AGBL4: variants seen among roughly 807,000 people sequenced by gnomAD.
The protein encoded by AGBL4 is cytosolic carboxypeptidase 6.
In AGBL4, 58 loss-of-function variants were observed where a neutral mutation model predicts 66.4. That is an observed-to-expected ratio of 0.87 (90% CI 0.71 to 1.09). AGBL4 has a LOEUF of 1.09. AGBL4 is among the 50% of genes least tolerant of loss of function. AGBL4 has a pLI of 0.00. For missense variants in AGBL4, 579 were observed against 631.0 expected (o/e 0.92, Z 0.88); for synonymous variants, 234 against 222.9 (o/e 1.05, Z -0.44).
intron 2 of AGBL4, among the ~76,000 whole-genome samples, chr1:49,799,301 T>A (rs1368847428): frequency 6.6e-6 from 1 of 152,104 alleles, no homozygotes; most frequent in Non-Finnish European, 1.5e-5. Flanking sequence ...TTAAAAAAAA[T>A]CCACAGACTC....
intron 2 of AGBL4, among the ~76,000 whole-genome samples, chr1:49,832,604 G>A (rs1261688027): frequency 6.6e-6 from 1 of 151,778 alleles, no homozygotes; most frequent in East Asian, 1.9e-4. Flanking sequence ...CTAGTTTACA[G>A]TCCCACCAAG....
chr1:49,015,028 A>G (rs943858263), intron 5 of AGBL4, among the ~76,000 whole-genome samples: 3 of 152,116 alleles, frequency 2.0e-5, no homozygotes, highest in African/African-American at 7.2e-5. Context: ...AAAAACTTCT[A>G]CCTCATAGTC....
chr1:48,682,151 C>A (rs1000735406), intron 6 of AGBL4, among the ~76,000 whole-genome samples: 2 of 152,162 alleles, frequency 1.3e-5, no homozygotes, highest in African/African-American at 4.8e-5. Context: ...GGCTGAGGCC[C>A]AGAAGAAACA....
Position 48,534,134 on chromosome 1 carries a change from T to C in AGBL4, c.*39A>G. On this transcript the variant is annotated 3_prime_UTR_variant, in exon 14 of 14. Transcript: ENST00000371839. The stretch of plus-strand genomic sequence containing the variant: ...ATTTCATTCCCCAGCAGAAAATGCA[T>C]GCTCCTGTCCCCATAAGACCTCCCA... The C allele has an allele frequency of 1.3e-6, 2 of 1,551,316 alleles. No homozygotes were observed. Among genetic ancestry groups the C allele is most frequent in the East Asian group, 2.4e-5 (1 of 40,912 alleles).
chr1:49,494,365 G>A (rs951899217), intron 3 of AGBL4, among the ~76,000 whole-genome samples: 36 of 151,872 alleles, frequency 2.4e-4, no homozygotes, highest in African/African-American at 8.7e-4. Context: ...ATGCTGGTGC[G>A]CTGCACCCAC....
intron 1 of AGBL4, among the ~76,000 whole-genome samples, chr1:49,853,134 C>T (rs1472682199): frequency 2.0e-5 from 3 of 152,060 alleles, no homozygotes; most frequent in Non-Finnish European, 4.4e-5. Context: ...AACCTACTGT[C>T]TAGGGATAAA....
intron 1 of AGBL4, among the ~76,000 whole-genome samples, chr1:49,900,145 C>T (rs1483982180): frequency 1.3e-5 from 2 of 152,186 alleles, no homozygotes; most frequent in African/African-American, 4.8e-5. Context: ...GGCTTATTAT[C>T]TTGGTGAATC....
chr1:49,440,041 T>C (rs1645991154), intron 3 of AGBL4, among the ~76,000 whole-genome samples: 1 of 151,116 alleles, frequency 6.6e-6, no homozygotes, highest in South Asian at 2.1e-4. Context: ...CTTAATATGA[T>C]TGGACCTAAA....
chr1:49,580,849 C>A (rs915575753), intron 3 of AGBL4, among the ~76,000 whole-genome samples: 1 of 152,058 alleles, frequency 6.6e-6, no homozygotes, highest in African/African-American at 2.4e-5. Flanking sequence ...CAATAAAGTC[C>A]TTTTTGCCCT....
intron 3 of AGBL4, among the ~76,000 whole-genome samples, chr1:49,285,645 A>G (rs1644387103): frequency 6.6e-6 from 1 of 152,234 alleles, no homozygotes; most frequent in Non-Finnish European, 1.5e-5. Context: ...AAGCAAAAAA[A>G]GAGAGAAGAA....
At chr1:48,568,064 G>A (rs1230864460) in intron 11 of AGBL4, among the ~76,000 whole-genome samples, 2 of 152,152 alleles carry the variant, frequency 1.3e-5, no homozygotes, top group African/African-American at 4.8e-5. Context: ...GACTTGAAAA[G>A]CTCAGTTTGG....
At chr1:49,234,646 C>T (rs1256890706) in intron 4 of AGBL4, among the ~76,000 whole-genome samples, 1 of 151,990 alleles carries the variant, frequency 6.6e-6, no homozygotes. Flanking sequence ...GTTTTGTCTC[C>T]ACAGTTGCCT....
chr1:49,005,651 A>G (rs1270883669), intron 5 of AGBL4, among the ~76,000 whole-genome samples: 1 of 152,234 alleles, frequency 6.6e-6, no homozygotes, highest in Non-Finnish European at 1.5e-5. Flanking sequence ...AAACTTTATC[A>G]TAGGCATGCA....
chr1:49,945,729 T>C (rs1224388595), intron 1 of AGBL4, among the ~76,000 whole-genome samples: 1 of 152,164 alleles, frequency 6.6e-6, no homozygotes. Context: ...TAATGTTGCA[T>C]GTAAATGGCC....
intron 3 of AGBL4, among the ~76,000 whole-genome samples, chr1:49,391,164 A>G (rs1006380013): frequency 6.6e-6 from 1 of 152,208 alleles, no homozygotes; most frequent in Non-Finnish European, 1.5e-5. Context: ...TGTAGCATAC[A>G]ATCAGCGTGA....
intron 3 of AGBL4, among the ~76,000 whole-genome samples, chr1:49,352,366 C>CTTTTTTTTTTTTTTTTT (rs35699154): frequency 1.2e-5 from 1 of 83,112 alleles, no homozygotes; most frequent in African/African-American, 4.8e-5. Flanking sequence ...TGAATTGAAG[C>CTTTTTTTTTTTTTTTTT]TTTTTTTTTT....
intron 6 of AGBL4, among the ~76,000 whole-genome samples, chr1:48,857,922 C>T (rs1570848967): frequency 6.6e-6 from 1 of 152,196 alleles, no homozygotes; most frequent in East Asian, 1.9e-4. Context: ...ACAAATCATA[C>T]ATCTGATAAA....
chr1:49,938,758 C>A (rs1359485091), intron 1 of AGBL4, among the ~76,000 whole-genome samples: 2 of 152,154 alleles, frequency 1.3e-5, no homozygotes, highest in Non-Finnish European at 2.9e-5. Context: ...ATGATTATCT[C>A]AATAGATGCA....
chr1:48,552,743 C>T (rs751367435), intron 11 of AGBL4, among the ~76,000 whole-genome samples: 1 of 152,100 alleles, frequency 6.6e-6, no homozygotes, highest in South Asian at 2.1e-4. Context: ...GGTGGAGATA[C>T]AGCAAGTGAC....
Sources: allele counts gnomAD v4.1 joint callset (sites outside exome capture counted in the v4.1 genomes callset), GRCh38; gene constraint gnomAD v4.1.1; transcripts MANE v1.5; gene names NCBI Gene and HGNC (gene_info 2026-07-23, HGNC 2026-07-21).